Variants in RNLS observed in about 807,000 individuals in gnomAD.
The protein encoded by RNLS is renalase, FAD dependent amine oxidase.
Under a neutral mutation model 39.8 loss-of-function variants are expected in RNLS, and 39 were observed. The ratio of observed to expected loss-of-function variants is 0.98; its 90% CI spans 0.76 to 1.28. The LOEUF (loss-of-function observed/expected upper bound fraction) is 1.28. Among genes scored for constraint, RNLS ranks in the 50% most tolerant of loss-of-function variants. The pLI is 0.00. For synonymous variants in RNLS, 147 were observed against 150.7 expected, an observed-to-expected ratio of 0.98 and a Z score of 0.18; for missense variants, 410 against 413.3, an observed-to-expected ratio of 0.99 and a Z score of 0.07.
chr10:88,419,693 T>C lies in RNLS; in HGVS notation c.527-56968A>G, dbSNP rs568416543. On this transcript the variant is annotated intron_variant, in intron 4 of 6. Transcript: ENST00000331772. ...TTTCTTCCTCATGATTCCTTTCTGC[T>C]GCATAAAGACACTTAATAAAAAAGG... Among the ~76,000 whole-genome samples, 148 of 152,262 alleles carry C rather than the reference T, an allele frequency of 9.7e-4. No individual in the cohort carries two copies. The Middle Eastern group carries it at 0.014, about 14-fold the overall frequency.
the RNLS span, among the ~76,000 whole-genome samples, chr10:88,239,771 T>C: frequency 6.6e-6 from 1 of 152,222 alleles, no homozygotes; most frequent in Non-Finnish European, 1.5e-5. Flanking sequence ...CAGATTTTGA[T>C]ACACATTCAA....
At chr10:88,496,691 G>A (rs1288765378) in intron 4 of RNLS, among the ~76,000 whole-genome samples, 1 of 152,090 alleles carries the variant, frequency 6.6e-6, no homozygotes, top group African/African-American at 2.4e-5. Flanking sequence ...AAGAACACTT[G>A]ATTTCATAGA....
chr10:88,270,242 G>A (rs17331818), downstream of RNLS, among the ~76,000 whole-genome samples: 432 of 152,260 alleles, frequency 2.8e-3, 2 homozygotes, highest in South Asian at 0.016. Flanking sequence ...GCTAAGAGAC[G>A]CAAATTAGAC....
chr10:88,313,705 G>A (rs1004864429), intron 6 of RNLS, among the ~76,000 whole-genome samples: 1 of 152,160 alleles, frequency 6.6e-6, no homozygotes, highest in African/African-American at 2.4e-5. Flanking sequence ...TCGTCAACAA[G>A]CTCAGAAATC....
rs1423764146 is a variant in RNLS at position 88,443,487 on chromosome 10, C to T, written c.527-80762G>A. Among the ~76,000 whole-genome samples the T allele has an allele frequency of 3.3e-5, 5 of 152,286 alleles. No individual in the cohort carries two copies. The South Asian group carries it at 6.2e-4, about 19-fold the overall frequency. On this transcript the variant is annotated intron_variant, in intron 4 of 6. Coordinates refer to ENST00000331772, the MANE Select transcript of RNLS (RefSeq NM_001031709.3). ...TGGGTGCAGGACAGTGGGTGCAGCA[C>T]ACCGAGCGTGAGCCGAAGCAGGGCG...
intron 6 of RNLS, among the ~76,000 whole-genome samples, chr10:88,287,020 C>T (rs1843322252): frequency 6.6e-6 from 1 of 152,108 alleles, no homozygotes; most frequent in Admixed American, 6.6e-5. Context: ...AACTCCTGGC[C>T]TCAAGCTATT....
At chr10:88,368,674 A>C (rs1383484281) in intron 4 of RNLS, among the ~76,000 whole-genome samples, 2 of 152,128 alleles carry the variant, frequency 1.3e-5, no homozygotes, top group Non-Finnish European at 2.9e-5. Flanking sequence ...ATTTGATGAA[A>C]TGTATGTTGC....
At chr10:88,390,552 AGTCAGCTTG>A (rs1852134627) in intron 4 of RNLS, among the ~76,000 whole-genome samples, 1 of 152,168 alleles carries the variant, frequency 6.6e-6, no homozygotes, top group Non-Finnish European at 1.5e-5. Context: ...ACATGCATTT[AGTCAGCTTG>A]TTGGTTTTCT....
chr10:88,203,732 A>G, the RNLS span, among the ~76,000 whole-genome samples: 14 of 150,692 alleles, frequency 9.3e-5, no homozygotes, highest in African/African-American at 3.4e-4. Context: ...AACAAATTTC[A>G]TGAAACATTT....
At chr10:88,265,537 T>C in the RNLS span, among the ~76,000 whole-genome samples, 3 of 152,230 alleles carry the variant, frequency 2.0e-5, no homozygotes, top group Non-Finnish European at 2.9e-5. Flanking sequence ...CAGCAGTGTT[T>C]TGTAGTTTTC....
chr10:88,317,703 A>G (rs1845866327), intron 5 of RNLS, among the ~76,000 whole-genome samples: 1 of 152,222 alleles, frequency 6.6e-6, no homozygotes, highest in African/African-American at 2.4e-5. Flanking sequence ...TAGTGACATC[A>G]GATGCCAGCT....
At chr10:88,280,636 C>T (rs898841340), downstream of RNLS, among the ~76,000 whole-genome samples, 12 of 152,258 alleles carry the variant, frequency 7.9e-5, no homozygotes, top group Admixed American at 2.0e-4. Context: ...CTTATCTCTA[C>T]TGCTGTAGTG....
At chr10:88,223,606 T>A in the RNLS span, among the ~76,000 whole-genome samples, 2 of 152,200 alleles carry the variant, frequency 1.3e-5, no homozygotes, top group Non-Finnish European at 2.9e-5. Context: ...GGAGTTCACA[T>A]GTTGCCCTTT....
the RNLS span, among the ~76,000 whole-genome samples, chr10:88,203,310 A>G: frequency 3.0e-4 from 3 of 9,942 alleles, no homozygotes; most frequent in African/African-American, 1.8e-3. Context: ...ATATATATAT[A>G]TACGTATGTA....
chr10:88,470,147 T>G lies in RNLS; in HGVS notation c.526+102756A>C, dbSNP rs146362896. Among the ~76,000 whole-genome samples the G allele has an allele frequency of 2.5e-3, 375 of 152,168 alleles. 3 individuals are homozygous for G. The highest frequency in any genetic ancestry group is 8.7e-3 in the African/African-American group (362 of 41,516). On this transcript the variant is annotated intron_variant, in intron 4 of 6. Transcript: ENST00000331772. ...GGAAACACACAGATTTTATTTTTAATTTCAGTTCTCCATTACATGTTTTTT... is the reference window on the plus strand; with the variant it reads ...GGAAACACACAGATTTTATTTTTAAGTTCAGTTCTCCATTACATGTTTTTT...
the RNLS span, among the ~76,000 whole-genome samples, chr10:88,206,972 A>G: frequency 6.6e-6 from 1 of 152,162 alleles, no homozygotes; most frequent in Non-Finnish European, 1.5e-5. Flanking sequence ...AAGGTTATAA[A>G]GGTGGCCCAC....
chr10:88,570,725 C>T (rs1049824425), intron 4 of RNLS, among the ~76,000 whole-genome samples: 2 of 152,082 alleles, frequency 1.3e-5, no homozygotes, highest in South Asian at 2.1e-4. Context: ...TGGGGCACAT[C>T]TTTTCTAAAG....
intron 3 of RNLS, among the ~76,000 whole-genome samples, chr10:88,581,284 G>T (rs1036114473): frequency 8.5e-6 from 1 of 117,664 alleles, no homozygotes; most frequent in Non-Finnish European, 1.7e-5. Flanking sequence ...ATATGTATGT[G>T]TGTGTGTGTG....
downstream of RNLS, among the ~76,000 whole-genome samples, chr10:88,283,106 C>T (rs1171894917): frequency 1.3e-5 from 2 of 152,142 alleles, no homozygotes; most frequent in Non-Finnish European, 2.9e-5. Context: ...ATATCTTAGC[C>T]TTGTGTCTCT....
Sources: gnomAD v4.1 joint callset for allele counts (sites outside exome capture counted in the v4.1 genomes callset) on GRCh38, gnomAD v4.1.1 for gene constraint, MANE v1.5 for transcripts, NCBI Gene and HGNC (gene_info 2026-07-23, HGNC 2026-07-21) for gene names.